ASIC1: variants seen among roughly 807,000 people sequenced by gnomAD.
The protein encoded by ASIC1 is acid-sensing ion channel 1.
In ASIC1, 21 loss-of-function variants were observed where a neutral mutation model predicts 63.4. The observed-to-expected ratio is 0.33, with a 90% CI of 0.23 to 0.48. ASIC1 has a LOEUF of 0.48. ASIC1 is among the 20% of genes least tolerant of loss of function. The pLI is 0.99. For synonymous variants in ASIC1, 258 were observed against 278.2 expected, an observed-to-expected ratio of 0.93 and a Z score of 0.72; for missense variants, 478 against 695.5, an observed-to-expected ratio of 0.69 and a Z score of 3.52.
intron 3 of ASIC1, chr12:50,073,898 G>C: frequency 6.5e-7 from 1 of 1,534,816 alleles, no homozygotes; most frequent in African/African-American, 1.4e-5. Context: ...GCCTTCCTGT[G>C]CCAGGTAGGG....
chr12:50,058,413 A>G (rs544911103), intron 1 of ASIC1, among the ~76,000 whole-genome samples: 1 of 152,286 alleles, frequency 6.6e-6, no homozygotes, highest in Non-Finnish European at 1.5e-5. Flanking sequence ...CTTGTCCCAG[A>G]GTGACCCCAC....
At chr12:50,076,957 A>C (rs1168498839) in intron 3 of ASIC1, 3 of 634,236 alleles carry the variant, frequency 4.7e-6, no homozygotes, top group Admixed American at 4.2e-5. Flanking sequence ...CCAACTGTCA[A>C]CCCCAACTAG....
At chr12:50,080,288 C>T in intron 8 of ASIC1, 2 of 769,868 alleles carry the variant, frequency 2.6e-6, no homozygotes, top group Non-Finnish European at 4.2e-6. Flanking sequence ...ACCGGAGTCA[C>T]TTTATACTTG....
rs1950678603 is a variant in ASIC1 at position 50,078,273 on chromosome 12, A to AACTCTGTTTG, written c.837+146_837+147insACTCTGTTTG. 1 of 1,507,346 alleles carries AACTCTGTTTG rather than the reference A, an allele frequency of 6.6e-7. No individual in the cohort carries two copies. The highest frequency in any genetic ancestry group is 8.9e-7 in the Non-Finnish European group (1 of 1,117,364). 93.4% of individuals were successfully genotyped at this position (1,507,346 alleles called of 1,614,324 possible). On this transcript the variant is annotated intron_variant, in intron 5 of 11. Coordinates refer to ENST00000447966, the MANE Select transcript of ASIC1 (RefSeq NM_001095.4). The surrounding 1 kb of genome is among the most constrained non-coding windows in gnomAD (Gnocchi z 6.0). ...AGAAGCATGAGTGATCGAATGAACA[A>AACTCTGTTTG]GAATGCTCTGTAAACTCTGAGACCT...
chr12:50,074,860 C>G lies in ASIC1; in HGVS notation c.559-2353C>G, dbSNP rs377498831. Among the ~76,000 whole-genome samples, 108 of 141,516 alleles carry G rather than the reference C, an allele frequency of 7.6e-4. 1 individual carries two copies. Among genetic ancestry groups the G allele is most frequent in the African/African-American group, 2.7e-3 (103 of 37,618 alleles). 92.8% of individuals were successfully genotyped at this position (141,516 alleles called of 152,430 possible). ...TATGGACGCCCCACCCCCACCAGCT[C>G]TGTGTGTGTGTGTGTGTGTGTGTGT... On this transcript the variant is annotated intron_variant, in intron 3 of 11. Coordinates refer to ENST00000447966, the MANE Select transcript of ASIC1 (RefSeq NM_001095.4). This position sits in a 1 kb window ranked among gnomAD's most constrained non-coding sequence, Gnocchi z 4.2.
chr12:50,081,427 T>TACCC, intron 11 of ASIC1, 63 bp downstream of exon 11: 1 of 1,411,146 alleles, frequency 7.1e-7, no homozygotes, highest in Non-Finnish European at 9.6e-7. Context: ...AGGAACCCCG[T>TACCC]CCACCCCCGC....
At chr12:50,063,474 G>A (rs1475013537) in intron 3 of ASIC1, among the ~76,000 whole-genome samples, 1 of 152,244 alleles carries the variant, frequency 6.6e-6, no homozygotes, top group Non-Finnish European at 1.5e-5. Context: ...AGAGAAGGAA[G>A]AGGAGGACAG....
intron 1 of ASIC1, 61 bp from the exon 2 acceptor site, chr12:50,058,690 G>A: frequency 6.6e-7 from 1 of 1,511,112 alleles, no homozygotes; most frequent in Non-Finnish European, 8.9e-7. Flanking sequence ...CACATGTGGA[G>A]GGGCTCCATG....
In ASIC1 at chr12:50,059,967, G is replaced by A. The variant is rs370502413; in HGVS notation, c.558+13G>A. On this transcript the variant is annotated intron_variant, in intron 3 of 11. Coordinates refer to ENST00000447966, the MANE Select transcript of ASIC1 (RefSeq NM_001095.4). The surrounding 1 kb of genome is among the most constrained non-coding windows in gnomAD (Gnocchi z 4.6). ...AGACTTCAAGGTGGTGAGTCCCCTC[G>A]TGTGGGGTGTGAGTCAGCCTGGCCC... 2.0e-5 allele frequency: 33 copies of A among 1,612,166 alleles called. No individual in the cohort carries two copies. Among genetic ancestry groups the A allele is most frequent in the African/African-American group, 1.6e-4 (12 of 74,892 alleles).
Position 50,078,136 on chromosome 12 carries a change from G to A in ASIC1, c.837+9G>A. On this transcript the variant is annotated intron_variant, in intron 5 of 11. Coordinates refer to ENST00000447966, the MANE Select transcript of ASIC1 (RefSeq NM_001095.4). This position sits in a 1 kb window ranked among gnomAD's most constrained non-coding sequence, Gnocchi z 6.0. ...CCTGCCAGGAGCAGCGGGTGAGAGG[G>A]CCATGGGAGGCTGGTCCTGGGGTGG... 1 of 1,610,130 alleles carries A rather than the reference G, an allele frequency of 6.2e-7. No individual in the cohort carries two copies. Among genetic ancestry groups the A allele is most frequent in the South Asian group, 1.1e-5 (1 of 90,584 alleles).
rs756126157 is a variant in ASIC1, at chr12:50,080,604, A to T, written c.1297+15A>T. The T allele has an allele frequency of 5.6e-6, 9 of 1,614,062 alleles. No homozygotes were observed. In the African/African-American group the frequency reaches 1.1e-4, roughly 19 times the overall value. ...AGGGCTCCTGGGTGAGCTGCTGATG[A>T]CACCTGTCCCCTTCTCATGCCATGG... On this transcript the variant is annotated intron_variant, in intron 9 of 11. Coordinates refer to ENST00000447966, the MANE Select transcript of ASIC1 (RefSeq NM_001095.4).
At chr12:50,080,151 A>T in intron 8 of ASIC1, 96 bp downstream of exon 8, 1 of 1,470,382 alleles carries the variant, frequency 6.8e-7, no homozygotes, top group Non-Finnish European at 9.1e-7. Flanking sequence ...AGGCAGGGGG[A>T]ACTTGAGATA....
At chr12:50,071,284 T>TTTTTTTTTTA (rs1950596436) in intron 3 of ASIC1, among the ~76,000 whole-genome samples, 1 of 149,564 alleles carries the variant, frequency 6.7e-6, no homozygotes, top group African/African-American at 2.5e-5. Flanking sequence ...TTTTTTTTTT[T>TTTTTTTTTTA]GAGACGGAGT....
At position 50,078,397 on chromosome 12, in the gene ASIC1, C is replaced by T. The variant is rs1462836680; in HGVS notation, c.838-24C>T. ...TTTGGGGAGAAGTCCCCGCACTCCC[C>T]CAGCTCCCCGGCTCTCCCAGCAGCT... On this transcript the variant is annotated intron_variant, in intron 5 of 11. Transcript: ENST00000447966. This position sits in a 1 kb window ranked among gnomAD's most constrained non-coding sequence, Gnocchi z 6.0. 8 of 1,613,194 alleles carry T rather than the reference C, an allele frequency of 5.0e-6. No homozygotes were observed. Among genetic ancestry groups the T allele is most frequent in the Non-Finnish European group, 6.8e-6 (8 of 1,179,456 alleles).
At position 50,058,741 on chromosome 12, in the gene ASIC1, C is replaced by T. The variant is rs1592263084; in HGVS notation, c.-16-10C>T. On this transcript the variant is annotated splice_polypyrimidine_tract_variant and intron_variant, in intron 1 of 11. Coordinates refer to ENST00000447966, the MANE Select transcript of ASIC1 (RefSeq NM_001095.4). ...GGACAATGATAGACTGTCCCTCCCT[C>T]CTCCCCCAGGATCCCCTCAACAAGG... The T allele has an allele frequency of 6.4e-7, 1 of 1,554,310 alleles. No individual in the cohort carries two copies. Among genetic ancestry groups the T allele is most frequent in the Non-Finnish European group, 8.7e-7 (1 of 1,146,976 alleles).
intron 3 of ASIC1, among the ~76,000 whole-genome samples, chr12:50,069,240 C>T (rs912833875): frequency 6.7e-6 from 1 of 148,912 alleles, no homozygotes; most frequent in African/African-American, 2.5e-5. Context: ...AATTACTCCT[C>T]TTTATTTATT....
rs954764800 is a variant in ASIC1, at chr12:50,073,444, C to T, written c.559-3769C>T. The T allele has an allele frequency of 2.0e-5, 28 of 1,414,364 alleles. No individual in the cohort carries two copies. In the East Asian group the frequency reaches 4.0e-4, roughly 20 times the overall value. 87.6% of individuals were successfully genotyped at this position (1,414,364 alleles called of 1,614,324 possible). ...CCACAGAGGCCCTGGTGAGGAAGGA[C>T]GGCCAGCTGGGCTGAGATACCTGGC... is the stretch of plus-strand genomic sequence containing the variant. On this transcript the variant is annotated intron_variant, in intron 3 of 11. Transcript: ENST00000447966.
Position 50,077,059 on chromosome 12 carries a change from A to G in ASIC1, c.559-154A>G. On this transcript the variant is annotated intron_variant, in intron 3 of 11. Coordinates refer to ENST00000447966, the MANE Select transcript of ASIC1 (RefSeq NM_001095.4). ...CAGAGGGCAAGAAAGGGTGAGAAAC[A>G]GGTGGGAGAGGGGAGCAAATGGAGA... 3.2e-6 allele frequency: 4 copies of G among 1,235,628 alleles called. No individual in the cohort carries two copies. In the South Asian group the frequency reaches 3.6e-5, roughly 11 times the overall value. The allele number at this position is 1,235,628 out of a possible 1,614,324, so 76.5% of individuals were successfully genotyped here. A position where few individuals can be genotyped will look rare whatever the true frequency, so the allele number is the denominator to read the frequency against.
intron 3 of ASIC1, among the ~76,000 whole-genome samples, chr12:50,069,344 A>C (rs1251352941): frequency 6.6e-6 from 1 of 151,436 alleles, no homozygotes; most frequent in Admixed American, 6.6e-5. Context: ...CCTGGGCTGG[A>C]GTGCAGTGGT....
Sources: gnomAD v4.1 joint callset for allele counts (sites outside exome capture counted in the v4.1 genomes callset) on GRCh38, gnomAD v4.1.1 for gene constraint, Gnocchi (gnomAD v3.1) non-coding constraint, MANE v1.5 for transcripts, NCBI Gene and HGNC (gene_info 2026-07-23, HGNC 2026-07-21) for gene names.